The following CALN1 variants were observed in gnomAD, a reference collection of about 807,000 sequenced individuals.
CALN1 encodes calcium-binding protein 8.
Under a neutral mutation model 30.6 loss-of-function variants are expected in CALN1, and 17 were observed. The observed-to-expected ratio is 0.56, with a 90% CI of 0.38 to 0.83. CALN1 has a LOEUF of 0.83. CALN1 is among the 40% of genes least tolerant of loss of function. The pLI is 0.00. For missense variants in CALN1, 291 were observed against 354.9 expected (o/e 0.82, Z 1.45); for synonymous variants, 156 against 131.4 (o/e 1.19, Z -1.28).
At chr7:71,827,791 T>A (rs1248579068) in intron 5 of CALN1, among the ~76,000 whole-genome samples, 154 of 149,096 alleles carry the variant, frequency 1.0e-3, no homozygotes, top group African/African-American at 3.8e-3. Context: ...AATAAATAAA[T>A]AAATAAATAA....
intron 5 of CALN1, among the ~76,000 whole-genome samples, chr7:71,911,118 C>A (rs1260337777): frequency 6.6e-6 from 1 of 152,184 alleles, no homozygotes; most frequent in Non-Finnish European, 1.5e-5. Flanking sequence ...AAAGTCCTTA[C>A]TGGCGCCAGC....
chr7:72,376,103 C>G (rs765249634), intron 2 of CALN1, among the ~76,000 whole-genome samples: 2 of 152,216 alleles, frequency 1.3e-5, no homozygotes, highest in Non-Finnish European at 2.9e-5. Context: ...TTAATATCCA[C>G]TTTATGGATT....
intron 3 of CALN1, among the ~76,000 whole-genome samples, chr7:72,200,884 G>C (rs1791371173): frequency 6.6e-6 from 1 of 152,178 alleles, no homozygotes; most frequent in Non-Finnish European, 1.5e-5. Context: ...ATTTCTCAAA[G>C]AGCTAAAATT....
At chr7:72,271,377 G>C (rs1039641962) in intron 3 of CALN1, among the ~76,000 whole-genome samples, 1 of 151,372 alleles carries the variant, frequency 6.6e-6, no homozygotes, top group Non-Finnish European at 1.5e-5. Flanking sequence ...AGAGGTTTAG[G>C]AATGCATGGT....
chr7:72,041,530 C>A (rs1261546562), intron 4 of CALN1, among the ~76,000 whole-genome samples: 2 of 152,062 alleles, frequency 1.3e-5, no homozygotes, highest in Non-Finnish European at 2.9e-5. Flanking sequence ...ATAACAGGTG[C>A]ACACCACCAT....
At chr7:72,187,437 A>T (rs887641479) in intron 3 of CALN1, among the ~76,000 whole-genome samples, 5 of 152,166 alleles carry the variant, frequency 3.3e-5, no homozygotes, top group African/African-American at 7.2e-5. Flanking sequence ...GAGGTGAGGG[A>T]ACATTACCTC....
chr7:72,484,095 T>C, the CALN1 span, among the ~76,000 whole-genome samples: 2 of 152,336 alleles, frequency 1.3e-5, no homozygotes, highest in South Asian at 4.1e-4. Context: ...TGTCTGCTCA[T>C]TCTGACACCA....
intron 5 of CALN1, among the ~76,000 whole-genome samples, chr7:71,827,143 T>A (rs1048666770): frequency 6.6e-6 from 1 of 152,324 alleles, no homozygotes; most frequent in African/African-American, 2.4e-5. Flanking sequence ...GAGAGGAGGC[T>A]GCATTTCAAC....
intron 5 of CALN1, among the ~76,000 whole-genome samples, chr7:71,811,870 G>T (rs1378698573): frequency 6.6e-6 from 1 of 151,706 alleles, no homozygotes; most frequent in East Asian, 2.0e-4. Flanking sequence ...GTAGAGACGG[G>T]GTTTCGCCAT....
At chr7:72,371,849 C>CA (rs920905859) in intron 2 of CALN1, among the ~76,000 whole-genome samples, 3 of 152,176 alleles carry the variant, frequency 2.0e-5, no homozygotes, top group African/African-American at 7.2e-5. Flanking sequence ...AAGCATGTTC[C>CA]ACCCTTGCTC....
At chr7:71,948,326 G>C (rs974428536) in intron 5 of CALN1, among the ~76,000 whole-genome samples, 4 of 152,244 alleles carry the variant, frequency 2.6e-5, no homozygotes, top group African/African-American at 9.6e-5. Flanking sequence ...AATAAAAGCT[G>C]ATTTGATGGG....
intron 2 of CALN1, among the ~76,000 whole-genome samples, chr7:72,282,579 T>C (rs1324219039): frequency 6.6e-6 from 1 of 152,150 alleles, no homozygotes; most frequent in African/African-American, 2.4e-5. Context: ...CATGTGAAAA[T>C]GCAGCAACAA....
At chr7:71,831,853 G>A (rs1377941221) in intron 5 of CALN1, among the ~76,000 whole-genome samples, 19 of 114,318 alleles carry the variant, frequency 1.7e-4, no homozygotes, top group Non-Finnish European at 2.8e-4. Context: ...TGTGGGTGAA[G>A]GGAGTGAAAC....
intron 3 of CALN1, among the ~76,000 whole-genome samples, chr7:72,158,389 A>G (rs1787868443): frequency 6.6e-6 from 1 of 152,178 alleles, no homozygotes; most frequent in African/African-American, 2.4e-5. Context: ...ATGAGTTTGC[A>G]TGAGGCAGAT....
At chr7:72,177,416 G>T (rs539667420) in intron 3 of CALN1, among the ~76,000 whole-genome samples, 6 of 152,130 alleles carry the variant, frequency 3.9e-5, no homozygotes, top group East Asian at 1.9e-4. Context: ...ATTAATTTTT[G>T]ATTATTCTCA....
chr7:72,028,337 G>A (rs1441288268), intron 4 of CALN1, among the ~76,000 whole-genome samples: 1 of 152,192 alleles, frequency 6.6e-6, no homozygotes, highest in Non-Finnish European at 1.5e-5. Context: ...GCATTTCACA[G>A]GTCCACATGG....
Position 72,227,598 on chromosome 7 carries a change from TG to T in CALN1, c.244+51087del, listed in dbSNP as rs532069719. Among the ~76,000 whole-genome samples the T allele has an allele frequency of 4.2e-3, 636 of 150,932 alleles. 3 individuals carry two copies. The highest frequency in any genetic ancestry group is 0.031 in the Middle Eastern group (9 of 288). Reference sequence around the variant, plus strand: ...GGTGGTAACAATAGACATTGGGTTGTGGGGGGTGGGCAAAGGTTAAAAAACT... The same window carrying T: ...GGTGGTAACAATAGACATTGGGTTGTGGGGGTGGGCAAAGGTTAAAAAACT... On this transcript the variant is annotated intron_variant, in intron 3 of 6. Coordinates refer to ENST00000395275, the MANE Select transcript of CALN1 (RefSeq NM_031468.4).
intron 2 of CALN1, among the ~76,000 whole-genome samples, chr7:72,323,670 A>AT (rs1554370614): frequency 6.6e-6 from 1 of 150,788 alleles, no homozygotes; most frequent in Non-Finnish European, 1.5e-5. Context: ...TCAAAAAAAA[A>AT]AAAATAAAAA....
chr7:72,041,596 C>G (rs1802131276), intron 4 of CALN1, among the ~76,000 whole-genome samples: 1 of 152,056 alleles, frequency 6.6e-6, no homozygotes, highest in South Asian at 2.1e-4. Context: ...GTTGGCCAAG[C>G]TGGTCTCAAA....
Sources: allele counts gnomAD v4.1 joint callset (sites outside exome capture counted in the v4.1 genomes callset), GRCh38; gene constraint gnomAD v4.1.1; transcripts MANE v1.5; gene names NCBI Gene and HGNC (gene_info 2026-07-23, HGNC 2026-07-21).